NPLOC4: variants seen among roughly 807,000 people sequenced by gnomAD.
NPLOC4 encodes the protein nuclear protein localization protein 4 homolog.
A neutral mutation model predicts 80.6 loss-of-function variants in NPLOC4; 18 were observed. The ratio of observed to expected loss-of-function variants is 0.22; its 90% CI spans 0.15 to 0.33. NPLOC4 has a LOEUF of 0.33. Among genes scored for constraint, NPLOC4 ranks in the 10% least tolerant of loss-of-function variants. NPLOC4 has a pLI of 1.00. For synonymous variants in NPLOC4, 313 were observed against 301.5 expected (o/e 1.04, Z -0.39); for missense variants, 540 against 786.1 (o/e 0.69, Z 3.74).
intron 3 of NPLOC4, among the ~76,000 whole-genome samples, chr17:81,614,004 C>G (rs1225876629): frequency 2.0e-5 from 3 of 152,046 alleles, no homozygotes; most frequent in Non-Finnish European, 4.4e-5. Context: ...TGGCCAGGCT[C>G]GGTGGCTCAT....
chr17:81,577,669 A>G lies in NPLOC4; in HGVS notation c.1282-5581T>C, dbSNP rs966489667. On this transcript the variant is annotated intron_variant, in intron 12 of 16. Coordinates refer to ENST00000331134, the MANE Select transcript of NPLOC4 (RefSeq NM_017921.4). This position sits in a 1 kb window ranked among gnomAD's most constrained non-coding sequence, Gnocchi z 4.3. ...TCCTGGCAACCGTCTGTCCTGCTCC[A>G]TCTTCAAACTCTGCGTGCTGGCACC... 6.6e-6 allele frequency among the ~76,000 whole-genome samples: 1 copy of G among 152,108 alleles called. No homozygotes were observed. The highest frequency in any genetic ancestry group is 1.5e-5 in the Non-Finnish European group (1 of 68,020).
intron 3 of NPLOC4, among the ~76,000 whole-genome samples, chr17:81,621,102 A>G (rs918563795): frequency 6.6e-6 from 1 of 152,000 alleles, no homozygotes; most frequent in South Asian, 2.1e-4. Context: ...CAAGAAAGAA[A>G]GAAAAGGAAA....
At chr17:81,616,773 G>A (rs946058976) in intron 3 of NPLOC4, among the ~76,000 whole-genome samples, 1 of 151,970 alleles carries the variant, frequency 6.6e-6, no homozygotes, top group African/African-American at 2.4e-5. Flanking sequence ...AAGTAAGAGT[G>A]GGCAGAGACA....
chr17:81,575,073 G>GA (rs2034260592), intron 12 of NPLOC4, among the ~76,000 whole-genome samples: 3 of 152,200 alleles, frequency 2.0e-5, no homozygotes, highest in South Asian at 2.1e-4. Flanking sequence ...GGATAACTCA[G>GA]AAAAAACAAA....
At position 81,588,987 on chromosome 17, in the gene NPLOC4, T is replaced by C. The variant is rs1403641988; in HGVS notation, c.1238A>G (p.Lys413Arg). 3 of 1,614,064 alleles carry C rather than the reference T, an allele frequency of 1.9e-6. No individual in the cohort carries two copies. The highest frequency in any genetic ancestry group is 2.5e-6 in the Non-Finnish European group (3 of 1,179,892). The change falls in exon 12 of 17, where the codon AAG (lysine) becomes AGG (arginine). Residue 413 changes from lysine to arginine, a missense_variant. This residue lies in a region of NPLOC4 where 251 missense variants were observed against 377.5 expected (regional missense o/e 0.66). Transcript: ENST00000331134. ...CKDAPELGYA[K>R]ESSSEQYVPD... ...CACGTACTGCTCACTGCTAGACTCCTTGGCGTAGCCAAGCTCCGGGGCGTC... is the reference window on the plus strand; with the variant it reads ...CACGTACTGCTCACTGCTAGACTCCCTGGCGTAGCCAAGCTCCGGGGCGTC...
intron 2 of NPLOC4, among the ~76,000 whole-genome samples, chr17:81,625,259 TA>T (rs1212586763): frequency 1.1e-4 from 16 of 151,998 alleles, no homozygotes; most frequent in Non-Finnish European, 1.5e-4. Context: ...AAGGAAAGGC[TA>T]AAAAAGGAAG....
intron 11 of NPLOC4, among the ~76,000 whole-genome samples, chr17:81,590,065 T>C (rs2034697010): frequency 6.6e-6 from 1 of 152,166 alleles, no homozygotes; most frequent in African/African-American, 2.4e-5. Flanking sequence ...GAAACTATTT[T>C]TAATACAAAT....
At chr17:81,603,942 T>C (rs373093498) in intron 8 of NPLOC4, among the ~76,000 whole-genome samples, 176 of 152,256 alleles carry the variant, frequency 1.2e-3, no homozygotes, top group Middle Eastern at 6.8e-3. Context: ...CACAGCCCAA[T>C]TCCCAAAAAC....
At chr17:81,582,273 G>T (rs1396195380) in intron 12 of NPLOC4, among the ~76,000 whole-genome samples, 2 of 152,244 alleles carry the variant, frequency 1.3e-5, no homozygotes, top group Non-Finnish European at 2.9e-5. Flanking sequence ...CAAAGCTGAA[G>T]ATGCCTGCAC....
intron 12 of NPLOC4, chr17:81,588,189 T>C (rs1953964021): frequency 6.6e-6 from 1 of 152,102 alleles, no homozygotes; most frequent in African/African-American, 2.4e-5. Context: ...TGAAGAAGAC[T>C]GAAATGAAAT....
intron 12 of NPLOC4, among the ~76,000 whole-genome samples, chr17:81,585,135 A>C (rs1222708306): frequency 1.6e-5 from 2 of 124,252 alleles, no homozygotes; most frequent in Non-Finnish European, 3.2e-5. Context: ...GCACCACTAC[A>C]CTCCAGCCTG....
intron 12 of NPLOC4, among the ~76,000 whole-genome samples, chr17:81,583,170 A>G (rs2034490267): frequency 6.6e-6 from 1 of 152,264 alleles, no homozygotes; most frequent in Non-Finnish European, 1.5e-5. Flanking sequence ...AATATCTATC[A>G]AAACTCGAAA....
chr17:81,578,371 G>A (rs1188308263), intron 12 of NPLOC4, among the ~76,000 whole-genome samples: 1 of 152,186 alleles, frequency 6.6e-6, no homozygotes, highest in African/African-American at 2.4e-5. Flanking sequence ...CACCTCCACA[G>A]TTTCCAAGAA....
intron 3 of NPLOC4, among the ~76,000 whole-genome samples, chr17:81,619,100 A>T (rs1023919517): frequency 1.3e-5 from 2 of 152,082 alleles, no homozygotes; most frequent in African/African-American, 4.8e-5. Context: ...TAGGAAAACC[A>T]GAGACCTTTG....
At chr17:81,624,835 C>T (rs774102469) in intron 2 of NPLOC4, among the ~76,000 whole-genome samples, 5 of 152,148 alleles carry the variant, frequency 3.3e-5, no homozygotes, top group Admixed American at 6.5e-5. Flanking sequence ...GGAGCAAGCA[C>T]AAAGACCAGG....
chr17:81,563,110 C>G (rs2033899348), intron 16 of NPLOC4: 1 of 151,162 alleles, frequency 6.6e-6, no homozygotes, highest in East Asian at 2.0e-4. Flanking sequence ...GAGTCTTGCT[C>G]TGTCGCCCAG....
intron 11 of NPLOC4, among the ~76,000 whole-genome samples, chr17:81,593,375 C>T (rs972101540): frequency 5.9e-5 from 9 of 152,038 alleles, no homozygotes; most frequent in Non-Finnish European, 8.8e-5. Context: ...CAGGCCAGTA[C>T]GGATCCTGCT....
chr17:81,565,430 G>C, intron 16 of NPLOC4, 75 bp downstream of exon 16: 1 of 1,250,608 alleles, frequency 8.0e-7, no homozygotes, highest in South Asian at 1.3e-5. Context: ...ACCACCGGCA[G>C]TGGGGAGCTG....
chr17:81,615,090 A>T (rs1281611839), intron 3 of NPLOC4, among the ~76,000 whole-genome samples: 1 of 114,288 alleles, frequency 8.7e-6, no homozygotes, highest in Non-Finnish European at 1.7e-5. Context: ...CACATCAGAG[A>T]CGTCTGTTTC....
Sources: allele counts gnomAD v4.1 joint callset (sites outside exome capture counted in the v4.1 genomes callset), GRCh38; gene constraint gnomAD v4.1.1; regional missense constraint gnomAD v4.1.1; non-coding constraint Gnocchi (gnomAD v3.1); transcripts MANE v1.5; gene names NCBI Gene and HGNC (gene_info 2026-07-23, HGNC 2026-07-21).